The following MEIS1 variants were observed in gnomAD, a reference collection of about 807,000 sequenced individuals.
The protein encoded by MEIS1 is homeobox protein Meis1.
MEIS1 carries 5 observed loss-of-function variants against 50.8 expected under a neutral mutation model. The ratio of observed to expected loss-of-function variants is 0.10; its 90% CI spans 0.05 to 0.21. The LOEUF is 0.21. Ranked by LOEUF, MEIS1 falls within the 10% of genes least tolerant of loss-of-function variation. MEIS1 has a pLI of 1.00. For missense variants in MEIS1, 318 were observed against 517.3 expected (o/e 0.61, Z 3.74); for synonymous variants, 176 against 179.3 (o/e 0.98, Z 0.15).
At chr2:66,502,838 C>G (rs1321359825) in intron 7 of MEIS1, among the ~76,000 whole-genome samples, 3 of 152,160 alleles carry the variant, frequency 2.0e-5, no homozygotes, top group African/African-American at 7.2e-5. Context: ...AACTCTTCTT[C>G]CCCCTTATTC....
intron 8 of MEIS1, among the ~76,000 whole-genome samples, chr2:66,546,381 GA>G (rs1390108400): frequency 6.6e-6 from 1 of 152,210 alleles, no homozygotes; most frequent in Non-Finnish European, 1.5e-5. Context: ...GGCAAGGCTG[GA>G]TGGTGACAGG....
At chr2:66,558,384 G>A (rs1359776975) in intron 9 of MEIS1, among the ~76,000 whole-genome samples, 6 of 151,086 alleles carry the variant, frequency 4.0e-5, no homozygotes, top group Admixed American at 6.6e-5. Flanking sequence ...AAGTTCCCTC[G>A]AAATGACTTA....
At chr2:66,440,707 A>G in intron 4 of MEIS1, 95 bp downstream of exon 4, 1 of 800,604 alleles carries the variant, frequency 1.2e-6, no homozygotes, top group Admixed American at 2.7e-5. Context: ...TGAGATTTCT[A>G]GACCGGTCTT....
chr2:66,505,062 A>AGTTGTATACTTCATATACATAT (rs1673655178), intron 7 of MEIS1, among the ~76,000 whole-genome samples: 1 of 152,162 alleles, frequency 6.6e-6, no homozygotes, highest in Non-Finnish European at 1.5e-5. Context: ...TTGGCTGCAG[A>AGTTGTATACTTCATATACATAT]GTTGTATACT....
chr2:66,445,750 C>T (rs765767698), intron 6 of MEIS1, among the ~76,000 whole-genome samples: 3 of 152,198 alleles, frequency 2.0e-5, no homozygotes, highest in African/African-American at 7.2e-5. Context: ...TAGGCGGTAT[C>T]CCGGAGGGCT....
In MEIS1 at chr2:66,573,635, C is replaced by CA. The variant is rs1251414681; in HGVS notation, c.*2428dup. On this transcript the variant is annotated 3_prime_UTR_variant, in exon 13 of 13. Coordinates refer to ENST00000272369, the MANE Select transcript of MEIS1 (RefSeq NM_002398.3). ...TTGCTGATGGGGCCTTGTTTCTAAA[C>CA]ACGTGGATGCGCAGAGAGCAAGGCT... is the stretch of plus-strand genomic sequence containing the variant. The CA allele has an allele frequency of 6.6e-6, 1 of 152,204 alleles. No homozygotes were observed. The allele number at this position is 152,204 out of a possible 1,614,324, so 9.4% of individuals were successfully genotyped here.
At chr2:66,472,715 G>T (rs1672791615) in intron 7 of MEIS1, among the ~76,000 whole-genome samples, 1 of 152,202 alleles carries the variant, frequency 6.6e-6, no homozygotes, top group South Asian at 2.1e-4. Context: ...CACTACCTTG[G>T]TAGGTGTAGA....
rs141227416 is a variant in MEIS1, at chr2:66,508,530, T to G, written c.743-3619T>G. Among the ~76,000 whole-genome samples the G allele has an allele frequency of 3.0e-4, 46 of 152,238 alleles. No homozygotes were observed. In the East Asian group the frequency reaches 8.1e-3, roughly 27 times the overall value. ...AGTTGCAGGGAGAGGATTTCTGCAT[T>G]AGAATGTTGCATATGTGCGGCCTGT... On this transcript the variant is annotated intron_variant, in intron 7 of 12. Transcript: ENST00000272369.
rs1411196088 is a variant in MEIS1 at position 66,437,892 on chromosome 2, C to T, written c.168C>T (p.Thr56=). The change falls in exon 2 of 13, where the codon ACC becomes ACT. Residue 56 remains threonine (T), a synonymous_variant. Transcript: ENST00000272369. The part of the protein sequence containing the change: ...HSHQYPHTAH[T]NAMAPSMGSS... ...ATCAGTACCCGCACACAGCTCATACCAACGCCATGGCCCCCAGCATGGGCT... is the reference window on the plus strand; with the variant it reads ...ATCAGTACCCGCACACAGCTCATACTAACGCCATGGCCCCCAGCATGGGCT... 1.2e-6 allele frequency: 2 copies of T among 1,610,522 alleles called. No individual in the cohort carries two copies. Among genetic ancestry groups the T allele is most frequent in the Non-Finnish European group, 8.5e-7 (1 of 1,178,288 alleles).
At chr2:66,559,111 C>T (rs1675146810) in intron 9 of MEIS1, among the ~76,000 whole-genome samples, 1 of 127,408 alleles carries the variant, frequency 7.8e-6, no homozygotes, top group South Asian at 2.7e-4. Flanking sequence ...CACTGCACTC[C>T]AGCCTGGGTG....
At chr2:66,557,619 T>G (rs1343363086) in intron 9 of MEIS1, among the ~76,000 whole-genome samples, 1 of 152,222 alleles carries the variant, frequency 6.6e-6, no homozygotes, top group Non-Finnish European at 1.5e-5. Flanking sequence ...AGCACTTCAT[T>G]CCCTTTCAAG....
chr2:66,465,019 G>C (rs1366791765), intron 7 of MEIS1, among the ~76,000 whole-genome samples: 1 of 152,148 alleles, frequency 6.6e-6, no homozygotes, highest in Non-Finnish European at 1.5e-5. Context: ...ATATAAAAAG[G>C]CTGTTTTATT....
At chr2:66,568,911 A>G in intron 11 of MEIS1, 139 bp from the exon 12 acceptor site, 1 of 1,082,742 alleles carries the variant, frequency 9.2e-7, no homozygotes, top group Non-Finnish European at 1.4e-6. Flanking sequence ...TGCAGAGGGG[A>G]AGCCAGGATC....
chr2:66,519,379 C>T (rs1674055414), intron 8 of MEIS1, among the ~76,000 whole-genome samples: 1 of 152,132 alleles, frequency 6.6e-6, no homozygotes, highest in African/African-American at 2.4e-5. Flanking sequence ...TGTGTGAGCA[C>T]TTTCACTTCA....
intron 7 of MEIS1, among the ~76,000 whole-genome samples, chr2:66,471,599 C>T (rs1672762395): frequency 6.6e-6 from 1 of 152,160 alleles, no homozygotes. Flanking sequence ...TCTCCCAAGA[C>T]TCATGCAATA....
At chr2:66,543,367 G>C (rs145659729) in intron 8 of MEIS1, among the ~76,000 whole-genome samples, 54 of 152,258 alleles carry the variant, frequency 3.5e-4, no homozygotes, top group African/African-American at 1.2e-3. Context: ...ATTTCAGCAA[G>C]AGATTTATGC....
Position 66,441,446 on chromosome 2 carries a change from T to C in MEIS1, c.465T>C (p.His155=), listed in dbSNP as rs1671979040. 6.4e-7 allele frequency: 1 copy of C among 1,551,978 alleles called. No homozygotes were observed. The change falls in exon 5 of 13, where the codon CAT becomes CAC. Residue 155 remains histidine, a synonymous_variant. Coordinates refer to ENST00000272369, the MANE Select transcript of MEIS1 (RefSeq NM_002398.3). ...MIQAIQVLRF[H]LLELEKVHEL... ...AAGCCATACAAGTATTAAGGTTTCA[T>C]CTATTGGAATTAGAGAAGGTAATTT...
At chr2:66,547,458 C>T (rs553958827) in intron 8 of MEIS1, among the ~76,000 whole-genome samples, 15 of 151,756 alleles carry the variant, frequency 9.9e-5, no homozygotes, top group Admixed American at 9.2e-4. Context: ...TTAATAGCAC[C>T]CACTTTAGAT....
rs1455181114 is a variant in MEIS1, at chr2:66,440,218, C to G, written c.381+234C>G. The G allele has an allele frequency of 1.7e-5, 10 of 599,084 alleles. No individual in the cohort carries two copies. The East Asian group carries it at 2.8e-4, about 17-fold the overall frequency. The allele number at this position is 599,084 out of a possible 1,614,324, so 37.1% of individuals were successfully genotyped here. On this transcript the variant is annotated intron_variant, in intron 3 of 12. Coordinates refer to ENST00000272369, the MANE Select transcript of MEIS1 (RefSeq NM_002398.3). Reference sequence around the variant, plus strand: ...ACTTAAAATCACCCATCTGCATCCCCACTCACCCTCCAGAAAGCAAACGTG... The same window carrying G: ...ACTTAAAATCACCCATCTGCATCCCGACTCACCCTCCAGAAAGCAAACGTG...
Sources: allele counts gnomAD v4.1 joint callset (sites outside exome capture counted in the v4.1 genomes callset), GRCh38; gene constraint gnomAD v4.1.1; transcripts MANE v1.5; gene names NCBI Gene and HGNC (gene_info 2026-07-23, HGNC 2026-07-21).